The following DLG3 variants were observed in gnomAD, a reference collection of about 807,000 sequenced individuals.
DLG3 encodes discs large MAGUK scaffold protein 3, also known as disks large homolog 3.
Under a neutral mutation model 64.1 loss-of-function variants are expected in DLG3, and 1 was observed. That is an observed-to-expected ratio of 0.02 (90% CI 0.01 to 0.07). The LOEUF is 0.07. Among genes scored for constraint, DLG3 ranks in the 10% least tolerant of loss-of-function variants. The probability of loss-of-function intolerance (pLI) is 1.00; values close to 1 mark genes in which losing one functional copy is unlikely to be tolerated. For synonymous variants in DLG3, 245 were observed against 259.8 expected (o/e 0.94, Z 0.55); for missense variants, 429 against 669.5 (o/e 0.64, Z 3.96).
intron 12 of DLG3, chrX:70,493,521 C>T (rs778981442): frequency 9.3e-7 from 1 of 1,078,121 alleles, no homozygotes; most frequent in South Asian, 1.9e-5. Flanking sequence ...GCAGCCCCAT[C>T]CTCTCATCCT....
intron 18 of DLG3, 47 bp downstream of exon 18, chrX:70,501,036 T>C: frequency 1.1e-6 from 1 of 951,925 alleles, no homozygotes; most frequent in Non-Finnish European, 1.5e-6. Context: ...ACTAGCCAGG[T>C]ACCTGTTTCT....
chrX:70,460,578 T>C (rs763489996), intron 9 of DLG3, among the ~76,000 whole-genome samples: 160 of 112,599 alleles, frequency 1.4e-3, no homozygotes, highest in African/African-American at 5.0e-3. Context: ...TCAAGTGAAA[T>C]GGAGTTGTAT....
chrX:70,470,694 C>T (rs912769053), intron 9 of DLG3, among the ~76,000 whole-genome samples: 6 of 111,916 alleles, frequency 5.4e-5, no homozygotes, highest in African/African-American at 1.9e-4. Context: ...CAAATAGAAC[C>T]AAATAAACAA....
At chrX:70,499,810 T>G in intron 15 of DLG3, 67 bp from the exon 16 acceptor site, 1 of 1,099,206 alleles carries the variant, frequency 9.1e-7, no homozygotes, top group Non-Finnish European at 1.2e-6. Flanking sequence ...AATGGACCAG[T>G]CAGTATTTTT....
chrX:70,450,528 C>T (rs758545758), intron 5 of DLG3, 111 bp from the exon 6 acceptor site: 15 of 1,021,913 alleles, frequency 1.5e-5, no homozygotes, highest in Non-Finnish European at 1.8e-5. Context: ...CAGCACTATA[C>T]TTGGGCCTTT....
intron 10 of DLG3, among the ~76,000 whole-genome samples, chrX:70,481,160 T>C (rs932668600): frequency 2.7e-5 from 3 of 112,261 alleles, no homozygotes; most frequent in African/African-American, 9.7e-5. Context: ...AACCCCTTTA[T>C]CAGAACCTGG....
At chrX:70,499,402 G>A (rs1050517231) in intron 15 of DLG3, 125 bp downstream of exon 15, 17 of 545,682 alleles carry the variant, frequency 3.1e-5, no homozygotes, top group Middle Eastern at 3.3e-4. Context: ...CATTTGACAC[G>A]CTGGAAAACA....
chrX:70,477,497 C>T, intron 9 of DLG3, among the ~76,000 whole-genome samples: 1 of 111,889 alleles, frequency 8.9e-6, no homozygotes, highest in Middle Eastern at 4.6e-3. Context: ...TGCTGTTATG[C>T]TCTAGGACAG....
At chrX:70,455,211 G>T in intron 9 of DLG3, 1 of 754,478 alleles carries the variant, frequency 1.3e-6, no homozygotes, top group Non-Finnish European at 1.6e-6. Flanking sequence ...CGGAGGGACT[G>T]GCCGGAGCTG....
At chrX:70,483,290 A>G (rs370808810) in intron 10 of DLG3, among the ~76,000 whole-genome samples, 4 of 112,204 alleles carry the variant, frequency 3.6e-5, no homozygotes, top group African/African-American at 1.3e-4. Context: ...TCTCTATAAA[A>G]AATTATAAAA....
chrX:70,482,107 G>C (rs2087164420), intron 10 of DLG3, among the ~76,000 whole-genome samples: 2 of 112,190 alleles, frequency 1.8e-5, no homozygotes, highest in Admixed American at 9.4e-5. Flanking sequence ...TGTCACCCAA[G>C]GCAGATCTCT....
At chrX:70,481,462 C>T (rs1240441528) in intron 10 of DLG3, among the ~76,000 whole-genome samples, 1 of 112,196 alleles carries the variant, frequency 8.9e-6, no homozygotes, top group Non-Finnish European at 1.9e-5. Context: ...GGGCTCTTTC[C>T]TGTGATTAAT....
intron 10 of DLG3, among the ~76,000 whole-genome samples, chrX:70,490,155 GC>G (rs1218031530): frequency 8.9e-6 from 1 of 112,125 alleles, no homozygotes; most frequent in East Asian, 2.8e-4. Flanking sequence ...GAGCCACCGC[GC>G]CCGGCCTCCT....
chrX:70,497,024 G>A, intron 13 of DLG3: 1 of 551,810 alleles, frequency 1.8e-6, no homozygotes, highest in Admixed American at 2.6e-5. Context: ...GATTGGAGCT[G>A]TGCCTCCCAG....
At chrX:70,452,168 G>T (rs1182560486) in intron 7 of DLG3, 142 bp downstream of exon 7, 1 of 1,082,832 alleles carries the variant, frequency 9.2e-7, no homozygotes, top group Non-Finnish European at 1.2e-6. Context: ...TGGGGTCCGA[G>T]GCCCTCTCTC....
chrX:70,498,624 C>T (rs1198605427), intron 14 of DLG3, 54 bp downstream of exon 14: 7 of 1,099,668 alleles, frequency 6.4e-6, no homozygotes, highest in South Asian at 1.9e-5. Flanking sequence ...TCGTGGGGCT[C>T]AATACAGTGG....
chrX:70,474,860 T>TC (rs768417943), intron 9 of DLG3, among the ~76,000 whole-genome samples: 21 of 112,443 alleles, frequency 1.9e-4, no homozygotes, highest in Non-Finnish European at 3.2e-4. Context: ...AAATTCTGCC[T>TC]CCACTTCAGA....
intron 9 of DLG3, among the ~76,000 whole-genome samples, chrX:70,466,226 G>A (rs1428287270): frequency 9.7e-6 from 1 of 103,291 alleles, no homozygotes; most frequent in Non-Finnish European, 2.0e-5. Context: ...GAACATTTGT[G>A]TGCAAGTGTT....
intron 1 of DLG3, among the ~76,000 whole-genome samples, chrX:70,446,487 C>T (rs2147766896): frequency 8.9e-6 from 1 of 112,351 alleles, no homozygotes; most frequent in South Asian, 3.7e-4. Context: ...CTAGAGCAGG[C>T]ATGGTGCCTG....
Sources: allele counts gnomAD v4.1 joint callset (sites outside exome capture counted in the v4.1 genomes callset), GRCh38; gene constraint gnomAD v4.1.1; transcripts MANE v1.5; gene names NCBI Gene and HGNC (gene_info 2026-07-23, HGNC 2026-07-21).